TRPS1: variants seen among roughly 807,000 people sequenced by gnomAD.
The protein encoded by TRPS1 is zinc finger transcription factor Trps1.
A neutral mutation model predicts 101.2 loss-of-function variants in TRPS1; 6 were observed. That is an observed-to-expected ratio of 0.06 (90% CI 0.03 to 0.12). TRPS1 has a LOEUF of 0.12. Among genes scored for constraint, TRPS1 ranks in the 10% least tolerant of loss-of-function variants. The pLI is 1.00. For synonymous variants in TRPS1, 578 were observed against 589.8 expected (o/e 0.98, Z 0.29); for missense variants, 1,363 against 1,567.0 (o/e 0.87, Z 2.20).
intron 4 of TRPS1, among the ~76,000 whole-genome samples, chr8:115,598,490 T>A (rs1817837751): frequency 6.6e-6 from 1 of 152,054 alleles, no homozygotes; most frequent in African/African-American, 2.4e-5. Flanking sequence ...TATTTTTTGT[T>A]TTTTTTAGAG....
At chr8:115,530,858 C>T (rs1490488343) in intron 5 of TRPS1, among the ~76,000 whole-genome samples, 2 of 151,890 alleles carry the variant, frequency 1.3e-5, no homozygotes, top group African/African-American at 4.8e-5. Flanking sequence ...CATGTTCTCA[C>T]TCATAGGTAG....
intron 5 of TRPS1, among the ~76,000 whole-genome samples, chr8:115,435,878 A>G (rs1813436206): frequency 6.6e-6 from 1 of 152,060 alleles, no homozygotes; most frequent in Non-Finnish European, 1.5e-5. Flanking sequence ...TATAATTTTG[A>G]GGGGAAGTAA....
chr8:115,585,807 C>T (rs1586429786), intron 5 of TRPS1, among the ~76,000 whole-genome samples: 1 of 152,150 alleles, frequency 6.6e-6, no homozygotes, highest in East Asian at 1.9e-4. Context: ...ATCTCCTCTT[C>T]TGTATTCAAG....
intron 5 of TRPS1, among the ~76,000 whole-genome samples, chr8:115,575,829 A>C (rs972267579): frequency 1.3e-5 from 2 of 152,164 alleles, no homozygotes; most frequent in East Asian, 3.9e-4. Context: ...CACATCCATT[A>C]AACAGAGTTT....
chr8:115,551,511 T>G (rs1335420845), intron 5 of TRPS1, among the ~76,000 whole-genome samples: 5 of 152,240 alleles, frequency 3.3e-5, no homozygotes, highest in African/African-American at 1.2e-4. Flanking sequence ...GTGAAGTAAA[T>G]GTGACAAATG....
In TRPS1 at chr8:115,587,215, G is replaced by A; in HGVS notation, c.2486C>T (p.Pro829Leu). 6.2e-7 allele frequency: 1 copy of A among 1,614,220 alleles called. No individual in the cohort carries two copies. Among genetic ancestry groups the A allele is most frequent in the Middle Eastern group, 1.6e-4 (1 of 6,062 alleles). Residue 829 changes from proline to leucine, a missense_variant, in exon 5 of 7, where the codon CCT (proline) becomes CTT (leucine). Physicochemically the swap from Pro to Leu is moderately conservative, Grantham distance 98. Transcript: ENST00000395715. ...YTQASLGLLT[P>L]VSGTQEQTKT... Reference sequence around the variant, plus strand: ...TGTCTGCTCTTGGGTGCCAGACACAGGCGTCAGCAGCCCCAGGCTTGCTTG... The same window carrying A: ...TGTCTGCTCTTGGGTGCCAGACACAAGCGTCAGCAGCCCCAGGCTTGCTTG...
chr8:115,490,422 T>C (rs1035910249), intron 5 of TRPS1, among the ~76,000 whole-genome samples: 3 of 152,156 alleles, frequency 2.0e-5, no homozygotes, highest in African/African-American at 7.2e-5. Context: ...CAATCTACTA[T>C]ATACACACAT....
At chr8:115,630,095 ATTAAAC>A (rs1341920973) in intron 1 of TRPS1, among the ~76,000 whole-genome samples, 1 of 152,004 alleles carries the variant, frequency 6.6e-6, no homozygotes, top group Non-Finnish European at 1.5e-5. Flanking sequence ...GAAACAGGTA[ATTAAAC>A]TTAAATTAAT....
intron 5 of TRPS1, among the ~76,000 whole-genome samples, chr8:115,489,550 T>G (rs1162950653): frequency 6.6e-6 from 1 of 152,178 alleles, no homozygotes; most frequent in East Asian, 1.9e-4. Context: ...TTAAAGAGTG[T>G]ACATTTTGTT....
chr8:115,420,935 A>C (rs1813035717), intron 5 of TRPS1, among the ~76,000 whole-genome samples: 1 of 151,934 alleles, frequency 6.6e-6, no homozygotes, highest in African/African-American at 2.4e-5. Context: ...CAAGTCACTT[A>C]ATCTTTCAAT....
At chr8:115,506,251 G>A (rs565803606) in intron 5 of TRPS1, among the ~76,000 whole-genome samples, 1 of 149,946 alleles carries the variant, frequency 6.7e-6, no homozygotes, top group Non-Finnish European at 1.5e-5. Flanking sequence ...AAACATGCAG[G>A]AAAAAAAAAC....
At chr8:115,542,197 A>G (rs1465733393) in intron 5 of TRPS1, among the ~76,000 whole-genome samples, 2 of 152,188 alleles carry the variant, frequency 1.3e-5, no homozygotes, top group Non-Finnish European at 2.9e-5. Flanking sequence ...CAAAGAATGG[A>G]CTGTGTACAC....
intron 5 of TRPS1, among the ~76,000 whole-genome samples, chr8:115,437,895 T>C (rs1813495236): frequency 6.6e-6 from 1 of 152,158 alleles, no homozygotes; most frequent in Non-Finnish European, 1.5e-5. Flanking sequence ...CTATATTCTT[T>C]CTCCAGAAAA....
intron 3 of TRPS1, among the ~76,000 whole-genome samples, chr8:115,618,283 AT>A (rs1339342603): frequency 1.3e-5 from 2 of 152,214 alleles, no homozygotes; most frequent in Admixed American, 6.5e-5. Context: ...CAAGCTGACC[AT>A]GAATTTTGAC....
chr8:115,487,550 G>A (rs1814914692), intron 5 of TRPS1, among the ~76,000 whole-genome samples: 1 of 152,198 alleles, frequency 6.6e-6, no homozygotes, highest in African/African-American at 2.4e-5. Context: ...ATGGCATTAA[G>A]AACATTCGTA....
At chr8:115,557,086 A>G (rs911042203) in intron 5 of TRPS1, among the ~76,000 whole-genome samples, 26 of 152,106 alleles carry the variant, frequency 1.7e-4, no homozygotes, top group African/African-American at 6.3e-4. Flanking sequence ...GCATTAGGCA[A>G]AGAGAGAGAG....
At chr8:115,481,502 T>C (rs867790661) in intron 5 of TRPS1, among the ~76,000 whole-genome samples, 2 of 152,126 alleles carry the variant, frequency 1.3e-5, no homozygotes, top group Non-Finnish European at 2.9e-5. Flanking sequence ...GAAGTGATAT[T>C]GTTTCATGAT....
intron 5 of TRPS1, among the ~76,000 whole-genome samples, chr8:115,570,783 T>A (rs1225360317): frequency 6.6e-6 from 1 of 151,874 alleles, no homozygotes; most frequent in African/African-American, 2.4e-5. Flanking sequence ...AACATTGCCA[T>A]GAAATTGATA....
chr8:115,531,288 G>C (rs1363100410), intron 5 of TRPS1, among the ~76,000 whole-genome samples: 1 of 152,100 alleles, frequency 6.6e-6, no homozygotes. Flanking sequence ...GGCTAGTTCT[G>C]AACTTTCTAT....
Sources: gnomAD v4.1 joint callset for allele counts (sites outside exome capture counted in the v4.1 genomes callset) on GRCh38, gnomAD v4.1.1 for gene constraint, MANE v1.5 for transcripts, NCBI Gene and HGNC (gene_info 2026-07-23, HGNC 2026-07-21) for gene names.